ACACB: variants seen among roughly 807,000 people sequenced by gnomAD.
ACACB encodes acetyl-CoA carboxylase 2.
ACACB carries 209 observed loss-of-function variants against 278.8 expected under a neutral mutation model. The ratio of observed to expected loss-of-function variants is 0.75; its 90% confidence interval spans 0.67 to 0.84. The LOEUF is 0.84. Among genes scored for constraint, ACACB ranks in the 40% least tolerant of loss-of-function variants. ACACB has a pLI of 0.00. For missense variants in ACACB, 2,850 were observed against 3,269.0 expected (o/e 0.87, Z 3.13); for synonymous variants, 1,174 against 1,285.6 (o/e 0.91, Z 1.86).
chr12:109,133,645 C>A (rs1469690441), intron 1 of ACACB, among the ~76,000 whole-genome samples: 3 of 151,866 alleles, frequency 2.0e-5, no homozygotes, highest in South Asian at 2.1e-4. Flanking sequence ...ATTTCAAATG[C>A]ACACATTTAA....
intron 24 of ACACB, among the ~76,000 whole-genome samples, chr12:109,219,629 T>C (rs1007472888): frequency 2.6e-5 from 4 of 152,288 alleles, no homozygotes; most frequent in African/African-American, 4.8e-5. Flanking sequence ...TGTAAAGGAT[T>C]GTGGTGTCTG....
In ACACB at chr12:109,241,186, A is replaced by C. The variant is rs997770121; in HGVS notation, c.4927A>C (p.Ser1643Arg). ...CAACATCCGCCAGACCACCACCGGCAGTGCCGTTCCCATCCGCCTGTTCAT... is the reference window on the plus strand; with the variant it reads ...CAACATCCGCCAGACCACCACCGGCCGTGCCGTTCCCATCCGCCTGTTCAT... Reference protein sequence around the residue: ...KINIRQTTTGSAVPIRLFITN... With the variant: ...KINIRQTTTGRAVPIRLFITN... Residue 1643 changes from serine (S) to arginine (R), a missense_variant, in exon 36 of 53, where the codon AGT becomes CGT. Ser to Arg is a moderately radical substitution (Grantham distance 110). Around this residue, in one of 3 missense-constraint regions of ACACB, gnomAD observed 2,265 missense variants for 2,561.3 expected, o/e 0.88. Transcript: ENST00000338432. The C allele has an allele frequency of 1.2e-6, 2 of 1,614,218 alleles. No homozygotes were observed. The highest frequency in any genetic ancestry group is 4.5e-5 in the East Asian group (2 of 44,890).
chr12:109,179,865 T>G, intron 10 of ACACB, 52 bp from the exon 11 acceptor site: 1 of 1,556,012 alleles, frequency 6.4e-7, no homozygotes, highest in South Asian at 1.2e-5. Context: ...CCATTTACAG[T>G]TCCCTGAAAA....
At chr12:109,115,902 ACAATGTGCTCCTAT>A (rs1427375174), upstream of ACACB, among the ~76,000 whole-genome samples, 1 of 152,228 alleles carries the variant, frequency 6.6e-6, no homozygotes, top group Non-Finnish European at 1.5e-5. Context: ...TTGCCTGAGC[ACAATGTGCTCCTAT>A]GTGGTCTCCA....
At chr12:109,216,995 A>G in intron 24 of ACACB, 75 bp downstream of exon 24, 1 of 1,541,094 alleles carries the variant, frequency 6.5e-7, no homozygotes, top group Non-Finnish European at 8.8e-7. Context: ...AAAGGGCCAG[A>G]AAGTGGCTGG....
At position 109,166,898 on chromosome 12, in the gene ACACB, CG is replaced by C; in HGVS notation, c.694del (p.Glu232AsnfsTer42). The C allele has an allele frequency of 6.2e-7, 1 of 1,613,908 alleles. No homozygotes were observed. Among genetic ancestry groups the C allele is most frequent in the Non-Finnish European group, 8.5e-7 (1 of 1,180,002 alleles). ...MSGLHLVKRG[R>X]EHKKLDLHRD... ...GGGACTCCACCTGGTGAAGAGGGGACGGGAACACAAGAAGCTGGACCTGCAC... is the reference window on the plus strand; with the variant it reads ...GGGACTCCACCTGGTGAAGAGGGGACGGAACACAAGAAGCTGGACCTGCAC... On this transcript the variant is annotated frameshift_variant, in exon 3 of 53. Transcript: ENST00000338432. LOFTEE classifies it high-confidence loss of function.
At chr12:109,145,171 T>C (rs1390191842) in intron 2 of ACACB, among the ~76,000 whole-genome samples, 1 of 147,828 alleles carries the variant, frequency 6.8e-6, no homozygotes, top group African/African-American at 2.5e-5. Context: ...TATTGTTTTT[T>C]GGAAAACTGG....
intron 22 of ACACB, among the ~76,000 whole-genome samples, chr12:109,213,202 TA>T (rs1465689564): frequency 6.6e-6 from 1 of 152,190 alleles, no homozygotes; most frequent in Non-Finnish European, 1.5e-5. Flanking sequence ...TAGCTGGGAT[TA>T]CGGGCATGTG....
chr12:109,229,503 T>C (rs952495476), intron 28 of ACACB, among the ~76,000 whole-genome samples: 9 of 152,084 alleles, frequency 5.9e-5, no homozygotes, highest in Admixed American at 2.6e-4. Flanking sequence ...GTTCAGTAGA[T>C]ACCCTCAGTG....
At chr12:109,238,573 A>AT (rs1555230414) in intron 34 of ACACB, among the ~76,000 whole-genome samples, 10 of 145,598 alleles carry the variant, frequency 6.9e-5, no homozygotes, top group Admixed American at 2.1e-4. Flanking sequence ...ATATATATAT[A>AT]TTTTTTTGGA....
At chr12:109,149,343 C>A (rs148131778) in intron 2 of ACACB, among the ~76,000 whole-genome samples, 1 of 152,230 alleles carries the variant, frequency 6.6e-6, no homozygotes, top group Non-Finnish European at 1.5e-5. Context: ...AGACTGGACA[C>A]TCTGAGGTTC....
chr12:109,212,731 G>A (rs907561119), intron 21 of ACACB, 105 bp from the exon 22 acceptor site: 20 of 884,004 alleles, frequency 2.3e-5, no homozygotes, highest in Non-Finnish European at 3.7e-5. Context: ...AACAGGCCAC[G>A]GACCAGTGCT....
At position 109,237,369 on chromosome 12, in the gene ACACB, C is replaced by G. The variant is rs777581519; in HGVS notation, c.4651C>G (p.Leu1551Val). 6.2e-7 allele frequency: 1 copy of G among 1,613,974 alleles called. No homozygotes were observed. Among genetic ancestry groups the G allele is most frequent in the South Asian group, 1.1e-5 (1 of 91,044 alleles). Reference sequence around the variant, plus strand: ...CCGCGCCATCATCAGGCACTCTGACCTGATCACAAAGGTAAGATGTCGCAG... The same window carrying G: ...CCGCGCCATCATCAGGCACTCTGACGTGATCACAAAGGTAAGATGTCGCAG... ...FIRAIIRHSD[L>V]ITKEASFEYL... is the part of the protein sequence containing the mutation. Residue 1551 changes from leucine to valine, a missense_variant, in exon 34 of 53, where the codon CTG (leucine) becomes GTG (valine). This residue lies in a region of ACACB where 2,265 missense variants were observed against 2,561.3 expected (regional missense o/e 0.88). Coordinates refer to ENST00000338432, the MANE Select transcript of ACACB (RefSeq NM_001093.4).
At chr12:109,199,273 G>T (rs1355049915) in intron 17 of ACACB, 129 bp from the exon 18 acceptor site, 1 of 721,680 alleles carries the variant, frequency 1.4e-6, no homozygotes, top group Non-Finnish European at 2.0e-6. Flanking sequence ...ACTATCAACT[G>T]CCACCCTTTG....
chr12:109,146,553 C>T (rs1338754195), intron 2 of ACACB, among the ~76,000 whole-genome samples: 1 of 152,192 alleles, frequency 6.6e-6, no homozygotes, highest in Non-Finnish European at 1.5e-5. Flanking sequence ...TGAACTGAAA[C>T]ACTCTCTTTC....
At chr12:109,149,850 C>T (rs1171515126) in intron 2 of ACACB, among the ~76,000 whole-genome samples, 4 of 152,204 alleles carry the variant, frequency 2.6e-5, no homozygotes, top group Admixed American at 2.6e-4. Flanking sequence ...AGCCCACAGG[C>T]CAGGGCATTC....
intron 7 of ACACB, among the ~76,000 whole-genome samples, chr12:109,174,688 C>T (rs565260667): frequency 2.7e-4 from 41 of 149,368 alleles, no homozygotes; most frequent in Admixed American, 2.4e-3. Flanking sequence ...CATAGCAAGA[C>T]CCCATCTCCA....
intron 11 of ACACB, among the ~76,000 whole-genome samples, chr12:109,181,916 C>T (rs1434441172): frequency 5.8e-5 from 7 of 120,680 alleles, no homozygotes; most frequent in South Asian, 2.8e-4. Flanking sequence ...GCGATCTTGG[C>T]TCACAGCAAC....
Position 109,258,972 on chromosome 12 carries a change from G to C in ACACB, c.6361-1G>C, listed in dbSNP as rs1565981754. On this transcript the variant is annotated splice_acceptor_variant, in intron 46 of 52. Coordinates refer to ENST00000338432, the MANE Select transcript of ACACB (RefSeq NM_001093.4). LOFTEE classifies it high-confidence loss of function. ...CTGATCCCCGCAGCTCTGTGTTCCA[G>C]ATAATTCAGCAGGCAGGACAGGTGT... is the stretch of plus-strand genomic sequence containing the variant. 1 of 1,614,014 alleles carries C rather than the reference G, an allele frequency of 6.2e-7. No homozygotes were observed. Among genetic ancestry groups the C allele is most frequent in the Non-Finnish European group, 8.5e-7 (1 of 1,180,004 alleles).
Sources: gnomAD v4.1 joint callset for allele counts (sites outside exome capture counted in the v4.1 genomes callset) on GRCh38, gnomAD v4.1.1 for gene constraint, gnomAD v4.1.1 regional missense constraint, MANE v1.5 for transcripts, NCBI Gene and HGNC (gene_info 2026-07-23, HGNC 2026-07-21) for gene names.